The following LRBA variants were observed in gnomAD, a reference collection of about 807,000 sequenced individuals.
LRBA encodes the protein lipopolysaccharide-responsive and beige-like anchor protein.
Under a neutral mutation model 330.0 loss-of-function variants are expected in LRBA, and 176 were observed. The ratio of observed to expected loss-of-function variants is 0.53; its 90% CI spans 0.47 to 0.60. LRBA has a LOEUF of 0.60. Among genes scored for constraint, LRBA ranks in the 20% least tolerant of loss-of-function variants. The pLI is 0.00. For synonymous variants in LRBA, 1,230 were observed against 1,193.0 expected (o/e 1.03, Z -0.64); for missense variants, 3,259 against 3,444.8 (o/e 0.95, Z 1.35).
At chr4:150,494,736 C>T (rs988417644) in intron 40 of LRBA, among the ~76,000 whole-genome samples, 1 of 152,154 alleles carries the variant, frequency 6.6e-6, no homozygotes, top group African/African-American at 2.4e-5. Context: ...TGGCTCACGC[C>T]TGTAATCCCA....
chr4:150,908,608 A>C, intron 10 of LRBA, 52 bp downstream of exon 10: 2 of 1,518,378 alleles, frequency 1.3e-6, no homozygotes, highest in Non-Finnish European at 1.8e-6. Flanking sequence ...ACATCTCAAT[A>C]ACACATCAAA....
intron 33 of LRBA, among the ~76,000 whole-genome samples, chr4:150,800,531 A>T (rs1310691286): frequency 6.6e-6 from 1 of 152,252 alleles, no homozygotes; most frequent in Non-Finnish European, 1.5e-5. Context: ...CATGTGCAAA[A>T]AAACAAATAA....
At chr4:150,352,728 T>C (rs927213102) in intron 47 of LRBA, among the ~76,000 whole-genome samples, 1 of 152,156 alleles carries the variant, frequency 6.6e-6, no homozygotes, top group African/African-American at 2.4e-5. Flanking sequence ...GTTGGTTTCA[T>C]TAACTTAGAC....
intron 43 of LRBA, among the ~76,000 whole-genome samples, chr4:150,471,123 C>A (rs1298091943): frequency 2.0e-5 from 3 of 152,090 alleles, no homozygotes; most frequent in African/African-American, 7.2e-5. Flanking sequence ...TTCATGCACA[C>A]AAAAATATAC....
At chr4:150,271,720 C>CA in intron 56 of LRBA, among the ~76,000 whole-genome samples, 1 of 152,314 alleles carries the variant, frequency 6.6e-6, no homozygotes, top group East Asian at 1.9e-4. Flanking sequence ...GTTTTACCCT[C>CA]ACGGTGTAAA....
intron 34 of LRBA, among the ~76,000 whole-genome samples, chr4:150,783,310 CA>C: frequency 6.6e-6 from 1 of 152,196 alleles, no homozygotes; most frequent in South Asian, 2.1e-4. Context: ...TAGCACTTCA[CA>C]AACAATTATA....
chr4:150,415,570 A>G lies in LRBA; in HGVS notation c.7062T>C (p.Tyr2354=), dbSNP rs774679556. 4 of 1,583,420 alleles carry G rather than the reference A, an allele frequency of 2.5e-6. No individual in the cohort carries two copies. In the South Asian group the frequency reaches 4.4e-5, roughly 18 times the overall value. ...SDIKELIPEF[Y]YLPEMFVNFN... Reference sequence around the variant, plus strand: ...AGTTGACAAACATCTCAGGGAGATAATAAAATTCAGGGATCAACTCCTATA... The same window carrying G: ...AGTTGACAAACATCTCAGGGAGATAGTAAAATTCAGGGATCAACTCCTATA... The change falls in exon 47 of 57, where the codon TAT becomes TAC. Residue 2354 remains tyrosine, a synonymous_variant. Transcript: ENST00000651943.
chr4:150,733,553 CTG>C (rs1284584890), intron 36 of LRBA, among the ~76,000 whole-genome samples: 8 of 111,012 alleles, frequency 7.2e-5, no homozygotes, highest in Non-Finnish European at 1.4e-4. Context: ...AAGACTGATT[CTG>C]TCTCTCTCTC....
chr4:150,274,169 C>A (rs1746475500), intron 56 of LRBA, among the ~76,000 whole-genome samples: 1 of 152,190 alleles, frequency 6.6e-6, no homozygotes, highest in Non-Finnish European at 1.5e-5. Flanking sequence ...CAAAACCGCA[C>A]AACTACATAG....
chr4:150,746,757 A>G (rs538971766), intron 35 of LRBA, among the ~76,000 whole-genome samples: 16 of 151,916 alleles, frequency 1.1e-4, no homozygotes, highest in South Asian at 4.2e-4. Context: ...TGATCCGCCC[A>G]CCTCAGCCTC....
chr4:150,613,035 G>A (rs1168252808), intron 37 of LRBA, among the ~76,000 whole-genome samples: 3 of 152,164 alleles, frequency 2.0e-5, no homozygotes, highest in Admixed American at 6.5e-5. Context: ...ATTGGAAGCA[G>A]TCTCATTTAG....
chr4:150,568,599 C>T (rs574903628), intron 40 of LRBA, among the ~76,000 whole-genome samples: 6 of 151,990 alleles, frequency 3.9e-5, no homozygotes, highest in South Asian at 2.1e-4. Flanking sequence ...GAAAACTAAC[C>T]AAGATTATTT....
At chr4:150,650,453 A>G (rs1265462273) in intron 37 of LRBA, among the ~76,000 whole-genome samples, 1 of 152,166 alleles carries the variant, frequency 6.6e-6, no homozygotes, top group Non-Finnish European at 1.5e-5. Context: ...TTTGTTTCCA[A>G]ATGAACAATG....
intron 2 of LRBA, among the ~76,000 whole-genome samples, chr4:151,004,268 C>T (rs1373252110): frequency 6.6e-6 from 1 of 152,170 alleles, no homozygotes; most frequent in Non-Finnish European, 1.5e-5. Flanking sequence ...AACTCCTGAA[C>T]TCATGATCCA....
intron 2 of LRBA, among the ~76,000 whole-genome samples, chr4:150,936,571 C>T (rs773603507): frequency 6.6e-6 from 1 of 151,750 alleles, no homozygotes. Flanking sequence ...TAAGGCCATA[C>T]AAAACTAGTA....
chr4:150,657,064 G>A (rs1450578841), intron 37 of LRBA, among the ~76,000 whole-genome samples: 3 of 152,146 alleles, frequency 2.0e-5, no homozygotes, highest in Non-Finnish European at 2.9e-5. Context: ...CATTTGGCTT[G>A]TCATAAAAAG....
At chr4:150,514,713 A>G (rs1272084129) in intron 40 of LRBA, among the ~76,000 whole-genome samples, 4 of 152,326 alleles carry the variant, frequency 2.6e-5, no homozygotes, top group African/African-American at 9.6e-5. Flanking sequence ...TAAATGTTAC[A>G]TGAACCAGGA....
At chr4:150,959,273 A>G (rs1327496569) in intron 2 of LRBA, among the ~76,000 whole-genome samples, 1 of 149,124 alleles carries the variant, frequency 6.7e-6, no homozygotes, top group Non-Finnish European at 1.5e-5. Flanking sequence ...AGACTTATCC[A>G]CTATCAAGAG....
intron 38 of LRBA, among the ~76,000 whole-genome samples, chr4:150,594,303 T>G (rs1773230767): frequency 6.6e-6 from 1 of 151,972 alleles, no homozygotes. Context: ...AGCTTTCTGC[T>G]AAAGAACCTT....
Sources: gnomAD v4.1 joint callset for allele counts (sites outside exome capture counted in the v4.1 genomes callset) on GRCh38, gnomAD v4.1.1 for gene constraint, MANE v1.5 for transcripts, NCBI Gene and HGNC (gene_info 2026-07-23, HGNC 2026-07-21) for gene names.